Variants in NELL2 observed in about 807,000 individuals in gnomAD.
NELL2 encodes the protein protein kinase C-binding protein NELL2.
A neutral mutation model predicts 109.6 loss-of-function variants in NELL2; 41 were observed. The ratio of observed to expected loss-of-function variants is 0.37; its 90% CI spans 0.29 to 0.49. NELL2 has a LOEUF of 0.49. NELL2 is among the 20% of genes least tolerant of loss of function. The pLI is 0.98. For missense variants in NELL2, 900 were observed against 1,008.3 expected (o/e 0.89, Z 1.45); for synonymous variants, 355 against 344.7 (o/e 1.03, Z -0.33).
chr12:44,599,436 A>C lies in NELL2; in HGVS notation c.1663+7733T>G, dbSNP rs959459014. On this transcript the variant is annotated intron_variant, in intron 15 of 19. Coordinates refer to ENST00000429094, the MANE Select transcript of NELL2 (RefSeq NM_001145108.2). ...GAAAGAGAACTCCTAGAAATTAAAA[A>C]GTTATTAAAATTTAAAAACTAACAT... Among the ~76,000 whole-genome samples, 6 of 152,312 alleles carry C rather than the reference A, an allele frequency of 3.9e-5. No homozygotes were observed. The South Asian group carries it at 1.2e-3, about 32-fold the overall frequency.
At chr12:44,777,450 T>A in intron 5 of NELL2, 136 bp from the exon 6 acceptor site, 1 of 663,878 alleles carries the variant, frequency 1.5e-6, no homozygotes, top group Non-Finnish European at 2.6e-6. Context: ...TGTTAATACA[T>A]TATTTCCACT....
intron 2 of NELL2, among the ~76,000 whole-genome samples, chr12:44,818,791 G>A (rs1236508405): frequency 2.3e-5 from 3 of 132,418 alleles, no homozygotes. Context: ...GCCGGACTGC[G>A]GACTGCAGTG....
intron 2 of NELL2, 93 bp from the exon 3 acceptor site, chr12:44,816,229 T>G: frequency 9.0e-7 from 1 of 1,107,488 alleles, no homozygotes; most frequent in Non-Finnish European, 1.3e-6. Flanking sequence ...CTTTATCAAG[T>G]TTATCAGTAG....
At chr12:44,535,810 A>G (rs79699942) in intron 15 of NELL2, among the ~76,000 whole-genome samples, 17,377 of 151,974 alleles carry the variant, frequency 0.11, 1,070 homozygotes, top group Middle Eastern at 0.15. Flanking sequence ...AAAACAGTGA[A>G]GTTTTGAAAA....
chr12:44,576,075 C>T (rs1032034903), intron 15 of NELL2, among the ~76,000 whole-genome samples: 1 of 152,150 alleles, frequency 6.6e-6, no homozygotes, highest in Admixed American at 6.5e-5. Flanking sequence ...AGGCTCTTTG[C>T]ACATGCTGTT....
At chr12:44,806,082 A>C (rs914811096) in intron 3 of NELL2, among the ~76,000 whole-genome samples, 1 of 151,254 alleles carries the variant, frequency 6.6e-6, no homozygotes, top group Non-Finnish European at 1.5e-5. Flanking sequence ...AGTATTGACT[A>C]GACTGCACAT....
chr12:44,516,672 A>T (rs1227796539), intron 19 of NELL2, among the ~76,000 whole-genome samples: 3 of 152,096 alleles, frequency 2.0e-5, no homozygotes, highest in African/African-American at 7.2e-5. Flanking sequence ...TTTCCAAAAA[A>T]GTTTTAGAGG....
intron 1 of NELL2, among the ~76,000 whole-genome samples, chr12:44,892,259 G>C (rs11182735): frequency 0.02 from 3,106 of 152,278 alleles, 101 homozygotes; most frequent in East Asian, 0.17. Context: ...CCATCAGAGT[G>C]ACAGACAGCA....
intron 2 of NELL2, among the ~76,000 whole-genome samples, chr12:44,820,229 A>C (rs1751771765): frequency 6.6e-6 from 1 of 152,188 alleles, no homozygotes; most frequent in South Asian, 2.1e-4. Flanking sequence ...CATTATGTCC[A>C]AGTCCAGGAA....
intron 1 of NELL2, among the ~76,000 whole-genome samples, chr12:44,896,688 G>T (rs1945596736): frequency 6.6e-6 from 1 of 152,146 alleles, no homozygotes; most frequent in Admixed American, 6.5e-5. Flanking sequence ...TTAACTAAGT[G>T]GAAGACCAGA....
intron 19 of NELL2, among the ~76,000 whole-genome samples, chr12:44,516,089 A>G (rs1334395476): frequency 6.6e-6 from 1 of 151,978 alleles, no homozygotes; most frequent in Non-Finnish European, 1.5e-5. Context: ...TTTTATCTTA[A>G]TTTTTATTAT....
chr12:44,588,221 C>T (rs1441541947), intron 15 of NELL2, among the ~76,000 whole-genome samples: 1 of 151,808 alleles, frequency 6.6e-6, no homozygotes, highest in Non-Finnish European at 1.5e-5. Flanking sequence ...TGCTTGATTG[C>T]TTGACCTAAA....
chr12:44,590,819 G>C (rs1243080868), intron 15 of NELL2, among the ~76,000 whole-genome samples: 1 of 151,980 alleles, frequency 6.6e-6, no homozygotes, highest in East Asian at 1.9e-4. Context: ...AAACAATCAA[G>C]GGAGTGAAGA....
At chr12:44,586,855 C>A (rs1269463119) in intron 15 of NELL2, among the ~76,000 whole-genome samples, 1 of 152,182 alleles carries the variant, frequency 6.6e-6, no homozygotes, top group African/African-American at 2.4e-5. Context: ...GTTTCCAATG[C>A]CCTGCACAAA....
intron 14 of NELL2, among the ~76,000 whole-genome samples, chr12:44,609,521 A>T (rs1945530756): frequency 6.6e-6 from 1 of 152,080 alleles, no homozygotes; most frequent in Non-Finnish European, 1.5e-5. Context: ...GGGTAACTAA[A>T]ACCATCAAAA....
chr12:44,589,304 CT>C (rs1452261885), intron 15 of NELL2, among the ~76,000 whole-genome samples: 1 of 151,832 alleles, frequency 6.6e-6, no homozygotes, highest in East Asian at 1.9e-4. Context: ...CAAAATACTC[CT>C]TTTATGGCAT....
chr12:44,602,840 T>C (rs561413041), intron 15 of NELL2, among the ~76,000 whole-genome samples: 1 of 152,186 alleles, frequency 6.6e-6, no homozygotes, highest in South Asian at 2.1e-4. Flanking sequence ...TGATGAAAAA[T>C]GTGCTAATTT....
intron 13 of NELL2, among the ~76,000 whole-genome samples, chr12:44,640,731 G>T (rs995955836): frequency 6.6e-6 from 1 of 151,976 alleles, no homozygotes; most frequent in Non-Finnish European, 1.5e-5. Flanking sequence ...GGAACAAGGG[G>T]ACAAATTTGA....
chr12:44,759,794 A>G (rs1225022782), intron 9 of NELL2, among the ~76,000 whole-genome samples: 1 of 152,162 alleles, frequency 6.6e-6, no homozygotes, highest in Non-Finnish European at 1.5e-5. Flanking sequence ...GCTTACTCTG[A>G]AGTCCTCCCA....
Sources: gnomAD v4.1 joint callset for allele counts (sites outside exome capture counted in the v4.1 genomes callset) on GRCh38, gnomAD v4.1.1 for gene constraint, MANE v1.5 for transcripts, NCBI Gene and HGNC (gene_info 2026-07-23, HGNC 2026-07-21) for gene names.